Variants in SKA1 observed in about 807,000 individuals in gnomAD.
The protein encoded by SKA1 is SKA complex subunit 1.
A neutral mutation model predicts 31.8 loss-of-function variants in SKA1; 20 were observed. The ratio of observed to expected loss-of-function variants is 0.63; its 90% CI spans 0.44 to 0.91. The LOEUF is 0.91. Ranked by LOEUF, SKA1 falls within the 40% of genes least tolerant of loss-of-function variation. The pLI is 0.00. For synonymous variants in SKA1, 88 were observed against 100.5 expected (o/e 0.88, Z 0.74); for missense variants, 253 against 298.2 (o/e 0.85, Z 1.12).
intron 4 of SKA1, among the ~76,000 whole-genome samples, chr18:50,382,622 C>T (rs12458215): frequency 0.63 from 95,871 of 151,314 alleles, 31,324 homozygotes; most frequent in East Asian, 0.81. Flanking sequence ...CACCCATTCA[C>T]GACAATGAAA....
At chr18:50,389,400 T>A (rs2041339265) in intron 5 of SKA1, among the ~76,000 whole-genome samples, 1 of 100,900 alleles carries the variant, frequency 9.9e-6, no homozygotes, top group Non-Finnish European at 2.0e-5. Context: ...TTTTTTTTTT[T>A]ACTTTTTTTG....
intron 2 of SKA1, among the ~76,000 whole-genome samples, chr18:50,379,015 C>G (rs535333125): frequency 6.6e-6 from 1 of 152,164 alleles, no homozygotes. Context: ...TACTTGGTGT[C>G]TCTGACTTCA....
At chr18:50,386,208 A>G (rs918729287) in intron 5 of SKA1, among the ~76,000 whole-genome samples, 7 of 152,166 alleles carry the variant, frequency 4.6e-5, no homozygotes, top group African/African-American at 1.4e-4. Context: ...AACTTGTAGC[A>G]TTTCCTCATT....
At chr18:50,391,732 G>A (rs2044013) in intron 6 of SKA1, among the ~76,000 whole-genome samples, 91,894 of 151,922 alleles carry the variant, frequency 0.6, 28,302 homozygotes, top group African/African-American at 0.68. Flanking sequence ...TACAACACCC[G>A]TATCACTTAC....
At position 50,384,871 on chromosome 18, in the gene SKA1, TAAAA is replaced by T. The variant is rs10608403; in HGVS notation, c.312-329_312-326del. ...TAGAGTATAATAAAAAAAAAAAAATTAAAAAAAAAAAAAAAAAAAGGAAAAAAAA... is the reference window on the plus strand; with the variant it reads ...TAGAGTATAATAAAAAAAAAAAAATTAAAAAAAAAAAAAAAGGAAAAAAAA... On this transcript the variant is annotated intron_variant, in intron 4 of 6. Coordinates refer to ENST00000285116, the MANE Select transcript of SKA1 (RefSeq NM_145060.4). Among the ~76,000 whole-genome samples the T allele has an allele frequency of 3.8e-4, 31 of 82,618 alleles. 1 individual carries two copies. The highest frequency in any genetic ancestry group is 6.4e-4 in the Admixed American group (4 of 6,260). 54.2% of individuals were successfully genotyped at this position (82,618 alleles called of 152,430 possible). A position where few individuals can be genotyped will look rare whatever the true frequency, so the allele number is the denominator to read the frequency against.
chr18:50,382,406 G>A (rs937335925), intron 4 of SKA1, among the ~76,000 whole-genome samples, 180 bp downstream of exon 4: 3 of 152,020 alleles, frequency 2.0e-5, no homozygotes, highest in Non-Finnish European at 2.9e-5. Flanking sequence ...GTGTCTCTGA[G>A]GAAAATCTAA....
intron 5 of SKA1, among the ~76,000 whole-genome samples, chr18:50,387,443 A>G (rs1049229956): frequency 3.3e-5 from 5 of 152,136 alleles, no homozygotes; most frequent in Non-Finnish European, 7.4e-5. Flanking sequence ...CTTGTCATTG[A>G]ATTTTAAGAG....
intron 4 of SKA1, among the ~76,000 whole-genome samples, chr18:50,384,650 G>GAGAAGCCATTAAGCCGTAAAGCTGTT (rs1568329660): frequency 2.5e-5 from 3 of 121,854 alleles, no homozygotes; most frequent in African/African-American, 1.2e-4. Flanking sequence ...TAAGGGGTTA[G>GAGAAGCCATTAAGCCGTAAAGCTGTT]AACAATGAGA....
intron 2 of SKA1, among the ~76,000 whole-genome samples, chr18:50,378,880 A>G (rs114621442): frequency 0.01 from 1,111 of 109,472 alleles, 9 homozygotes; most frequent in African/African-American, 0.038. Context: ...TTGCTCTATT[A>G]GATAGAATGA....
rs933928216 is a variant in SKA1, at chr18:50,392,724, TTTTC to T, written c.*481_*484del. ...TTTGGATAAAGCTTATTTCTTGTTT[TTTTC>T]TTTTTCTTTTTTTTTTTTTTTGAGA... On this transcript the variant is annotated 3_prime_UTR_variant, in exon 7 of 7. Transcript: ENST00000285116. 6.6e-5 allele frequency: 8 copies of T among 121,060 alleles called. No homozygotes were observed. The highest frequency in any genetic ancestry group is 2.0e-4 in the African/African-American group (6 of 30,504). 7.5% of individuals were successfully genotyped at this position (121,060 alleles called of 1,614,324 possible).
At chr18:50,386,805 C>G (rs1162948913) in intron 5 of SKA1, among the ~76,000 whole-genome samples, 1 of 152,176 alleles carries the variant, frequency 6.6e-6, no homozygotes, top group African/African-American at 2.4e-5. Flanking sequence ...TGACTGGCTT[C>G]TTTTACTTAG....
At chr18:50,380,606 C>G (rs979414955) in intron 3 of SKA1, among the ~76,000 whole-genome samples, 3 of 152,098 alleles carry the variant, frequency 2.0e-5, no homozygotes, top group African/African-American at 7.2e-5. Flanking sequence ...TCTCTGCCAC[C>G]CTGAGAAAGC....
chr18:50,376,049 A>G (rs540688879), intron 2 of SKA1, 131 bp downstream of exon 2: 2 of 572,066 alleles, frequency 3.5e-6, no homozygotes, highest in Admixed American at 3.4e-5. Context: ...ACGATTTTTT[A>G]AATAGTCCAA....
intron 2 of SKA1, among the ~76,000 whole-genome samples, chr18:50,378,082 A>G (rs532135842): frequency 8.5e-5 from 13 of 152,270 alleles, no homozygotes; most frequent in African/African-American, 2.9e-4. Context: ...TGCCATTTTT[A>G]TTGAAGTAAT....
At chr18:50,375,973 C>A in intron 2 of SKA1, 55 bp downstream of exon 2, 1 of 1,078,804 alleles carries the variant, frequency 9.3e-7, no homozygotes, top group East Asian at 2.4e-5. Flanking sequence ...TTTGATTATT[C>A]CACTCTGAAT....
intron 5 of SKA1, among the ~76,000 whole-genome samples, chr18:50,389,981 C>A (rs2041343911): frequency 6.6e-6 from 1 of 152,056 alleles, no homozygotes; most frequent in African/African-American, 2.4e-5. Context: ...GTTTTCCAAG[C>A]ATAGAGTTTT....
At chr18:50,376,952 G>A (rs886979899) in intron 2 of SKA1, among the ~76,000 whole-genome samples, 35 of 151,932 alleles carry the variant, frequency 2.3e-4, no homozygotes, top group Admixed American at 6.6e-5. Context: ...GGTCATCGGG[G>A]CAGTACCACA....
chr18:50,389,375 C>T (rs200576403), intron 5 of SKA1, among the ~76,000 whole-genome samples: 71 of 86,124 alleles, frequency 8.2e-4, no homozygotes, highest in Non-Finnish European at 1.1e-3. Context: ...CTTTACCTTT[C>T]TTTTTTTTTT....
At position 50,392,410 on chromosome 18, in the gene SKA1, G is replaced by A. The variant is rs918514627; in HGVS notation, c.*163G>A. Reference sequence around the variant, plus strand: ...GTCACCCAGGGGCTTGCTTTGTCACGCAGGCTAGAGTGCAGTGGCGCAAAC... The same window carrying A: ...GTCACCCAGGGGCTTGCTTTGTCACACAGGCTAGAGTGCAGTGGCGCAAAC... On this transcript the variant is annotated 3_prime_UTR_variant, in exon 7 of 7. Transcript: ENST00000285116. 5.1e-5 allele frequency: 21 copies of A among 407,830 alleles called. No homozygotes were observed. The highest frequency in any genetic ancestry group is 4.2e-4 in the Admixed American group (9 of 21,184). The allele number at this position is 407,830 out of a possible 1,614,324, so 25.3% of individuals were successfully genotyped here.
Sources: gnomAD v4.1 joint callset for allele counts (sites outside exome capture counted in the v4.1 genomes callset) on GRCh38, gnomAD v4.1.1 for gene constraint, MANE v1.5 for transcripts, NCBI Gene and HGNC (gene_info 2026-07-23, HGNC 2026-07-21) for gene names.